GPHN: variants seen among roughly 807,000 people sequenced by gnomAD.
GPHN encodes the protein gephyrin.
Under a neutral mutation model 95.5 loss-of-function variants are expected in GPHN, and 17 were observed. The ratio of observed to expected loss-of-function variants is 0.18; its 90% CI spans 0.12 to 0.27. The LOEUF is 0.27. Ranked by LOEUF, GPHN falls within the 10% of genes least tolerant of loss-of-function variation. GPHN has a pLI of 1.00. For missense variants in GPHN, 660 were observed against 978.1 expected (o/e 0.67, Z 4.34); for synonymous variants, 320 against 322.5 (o/e 0.99, Z 0.08).
At chr14:67,306,916 TAGC>T in the GPHN span, among the ~76,000 whole-genome samples, 7 of 152,222 alleles carry the variant, frequency 4.6e-5, no homozygotes, top group Admixed American at 2.6e-4. Flanking sequence ...CATCTGTTGA[TAGC>T]AGCAGCAGCA....
the GPHN span, among the ~76,000 whole-genome samples, chr14:67,409,371 C>T: frequency 5.3e-5 from 8 of 152,170 alleles, no homozygotes; most frequent in Non-Finnish European, 1.2e-4. Flanking sequence ...AGTGAGACCT[C>T]ATCTCTACAA....
chr14:66,712,582 T>A (rs945020963), intron 2 of GPHN, among the ~76,000 whole-genome samples: 3 of 152,218 alleles, frequency 2.0e-5, no homozygotes, highest in Non-Finnish European at 4.4e-5. Flanking sequence ...TCCTGTTCTG[T>A]AGGTTGCCTG....
chr14:67,708,424 T>G, the GPHN span, among the ~76,000 whole-genome samples: 1 of 152,140 alleles, frequency 6.6e-6, no homozygotes, highest in Non-Finnish European at 1.5e-5. Flanking sequence ...TAAGAACACC[T>G]GTTAGAGTTC....
chr14:66,589,426 A>C (rs1374256766), intron 1 of GPHN, among the ~76,000 whole-genome samples: 1 of 152,182 alleles, frequency 6.6e-6, no homozygotes, highest in Non-Finnish European at 1.5e-5. Flanking sequence ...CCCCAATTAA[A>C]ATACACAGAC....
chr14:67,257,120 A>T, the GPHN span, among the ~76,000 whole-genome samples: 2 of 152,156 alleles, frequency 1.3e-5, no homozygotes, highest in Non-Finnish European at 2.9e-5. Flanking sequence ...GATAAGAGTT[A>T]GCGGGGATCA....
At chr14:67,157,893 A>G (rs1162961061) in intron 18 of GPHN, among the ~76,000 whole-genome samples, 1 of 151,960 alleles carries the variant, frequency 6.6e-6, no homozygotes, top group Non-Finnish European at 1.5e-5. Context: ...GGGAGAAGGA[A>G]GGAAGGAAGG....
intron 2 of GPHN, among the ~76,000 whole-genome samples, chr14:66,707,249 G>C (rs1409690270): frequency 1.3e-5 from 2 of 152,174 alleles, no homozygotes; most frequent in Non-Finnish European, 2.9e-5. Context: ...GTGAAAGACA[G>C]TATGTAGATT....
At chr14:67,467,057 C>T in the GPHN span, 1 of 148,140 alleles carries the variant, frequency 6.8e-6, no homozygotes, top group South Asian at 2.2e-4. Context: ...ATCAACCTAT[C>T]AACCTTTGAG....
chr14:67,187,934 C>G, the GPHN span, among the ~76,000 whole-genome samples: 1 of 152,208 alleles, frequency 6.6e-6, no homozygotes, highest in Non-Finnish European at 1.5e-5. Context: ...ATGACCCCTT[C>G]TCCACTTGAT....
At chr14:66,752,209 C>G (rs1392286784) in intron 2 of GPHN, among the ~76,000 whole-genome samples, 2 of 152,062 alleles carry the variant, frequency 1.3e-5, no homozygotes, top group African/African-American at 4.8e-5. Flanking sequence ...CAGACTTTCT[C>G]CATATTAGCA....
chr14:67,464,415 C>A, the GPHN span, among the ~76,000 whole-genome samples: 2 of 152,196 alleles, frequency 1.3e-5, no homozygotes, highest in East Asian at 3.9e-4. Flanking sequence ...TCCATCACAT[C>A]CATCACCCTC....
intron 2 of GPHN, among the ~76,000 whole-genome samples, chr14:66,708,775 A>G (rs1032897795): frequency 2.0e-5 from 3 of 152,086 alleles, no homozygotes; most frequent in African/African-American, 7.2e-5. Flanking sequence ...TAGTTTTCAC[A>G]TGACATGCTG....
At chr14:66,735,997 A>C (rs543369080) in intron 2 of GPHN, among the ~76,000 whole-genome samples, 1 of 152,222 alleles carries the variant, frequency 6.6e-6, no homozygotes, top group Non-Finnish European at 1.5e-5. Flanking sequence ...TAGGTTACAC[A>C]GCTAACTGGA....
chr14:67,098,860 TA>T (rs1232813330), intron 12 of GPHN, among the ~76,000 whole-genome samples: 4 of 150,272 alleles, frequency 2.7e-5, no homozygotes, highest in Admixed American at 2.0e-4. Flanking sequence ...AGAAAATACC[TA>T]GGTTGCTATA....
At chr14:67,233,334 G>T in the GPHN span, among the ~76,000 whole-genome samples, 2 of 152,006 alleles carry the variant, frequency 1.3e-5, no homozygotes, top group Non-Finnish European at 2.9e-5. Context: ...TAGAGACAGG[G>T]TTTTACCATG....
chr14:67,727,028 G>T, the GPHN span: 1 of 1,613,606 alleles, frequency 6.2e-7, no homozygotes, highest in Non-Finnish European at 8.5e-7. Context: ...AAAGGTGTCT[G>T]CCCCTGCACG....
the GPHN span, among the ~76,000 whole-genome samples, chr14:67,303,896 T>G: frequency 6.6e-6 from 1 of 152,062 alleles, no homozygotes; most frequent in Non-Finnish European, 1.5e-5. Flanking sequence ...GCCTCTTGAG[T>G]AGCTGGGATT....
the GPHN span, chr14:67,642,088 G>A: frequency 1.7e-6 from 2 of 1,150,844 alleles, no homozygotes; most frequent in South Asian, 2.9e-5. Context: ...AAATGATTAT[G>A]ATGTGTACTT....
chr14:67,075,435 A>G (rs1348284055), intron 11 of GPHN, among the ~76,000 whole-genome samples: 1 of 152,184 alleles, frequency 6.6e-6, no homozygotes, highest in East Asian at 1.9e-4. Context: ...TGCTAATACA[A>G]CATCCCCTCT....
Sources: gnomAD v4.1 joint callset for allele counts (sites outside exome capture counted in the v4.1 genomes callset) on GRCh38, gnomAD v4.1.1 for gene constraint, MANE v1.5 for transcripts, NCBI Gene and HGNC (gene_info 2026-07-23, HGNC 2026-07-21) for gene names.